The following TACR1 variants were observed in gnomAD, a reference collection of about 807,000 sequenced individuals.
TACR1 encodes substance-P receptor.
In TACR1, 25 loss-of-function variants were observed where a neutral mutation model predicts 35.8. The ratio of observed to expected loss-of-function variants is 0.70; its 90% CI spans 0.51 to 0.98. The LOEUF (loss-of-function observed/expected upper bound fraction) is 0.98. Among genes scored for constraint, TACR1 ranks in the 50% least tolerant of loss-of-function variants. TACR1 has a pLI of 0.00. For synonymous variants in TACR1, 195 were observed against 206.7 expected (o/e 0.94, Z 0.48); for missense variants, 478 against 522.9 (o/e 0.91, Z 0.84).
chr2:75,177,231 T>G (rs905321049), intron 1 of TACR1, among the ~76,000 whole-genome samples: 3 of 152,176 alleles, frequency 2.0e-5, no homozygotes, highest in African/African-American at 7.2e-5. Context: ...TTGACTCATT[T>G]ATTGCTCATT....
chr2:75,196,440 A>C (rs1675976539), intron 1 of TACR1, among the ~76,000 whole-genome samples: 1 of 152,174 alleles, frequency 6.6e-6, no homozygotes, highest in South Asian at 2.1e-4. Flanking sequence ...TAGGAATGCC[A>C]TTGGTAACCT....
At chr2:75,090,014 G>A (rs185731548) in intron 2 of TACR1, among the ~76,000 whole-genome samples, 48 of 152,060 alleles carry the variant, frequency 3.2e-4, no homozygotes, top group Admixed American at 9.2e-4. Flanking sequence ...TCATTGTTTT[G>A]CCAATAAGAA....
chr2:75,196,675 A>C (rs1676002519), intron 1 of TACR1, among the ~76,000 whole-genome samples: 1 of 152,126 alleles, frequency 6.6e-6, no homozygotes, highest in African/African-American at 2.4e-5. Flanking sequence ...TAACCTTCTA[A>C]GTTCCAGAGG....
In TACR1 at chr2:75,051,349, G is replaced by A. The variant is rs1558536362; in HGVS notation, c.834C>T (p.Tyr278=). 2.5e-6 allele frequency: 4 copies of A among 1,614,196 alleles called. No homozygotes were observed. The East Asian group carries it at 8.9e-5, about 36-fold the overall frequency. The part of the protein sequence containing the change: ...FLLPYINPDL[Y]LKKFIQQVYL... ...AGACCTGCTGGATAAACTTCTTCAG[G>A]TAGAGATCTGGGTTGATGTAGGGCA... The change falls in exon 4 of 5, where the codon TAC becomes TAT. Residue 278 remains tyrosine, a synonymous_variant. Coordinates refer to ENST00000305249, the MANE Select transcript of TACR1 (RefSeq NM_001058.4).
chr2:75,064,874 G>A (rs931232983), intron 2 of TACR1, among the ~76,000 whole-genome samples: 9 of 152,192 alleles, frequency 5.9e-5, no homozygotes, highest in African/African-American at 1.9e-4. Context: ...GGCTGGTGGC[G>A]ACCACAAAGC....
chr2:75,137,451 C>T (rs1174576158), intron 1 of TACR1, among the ~76,000 whole-genome samples: 2 of 151,960 alleles, frequency 1.3e-5, no homozygotes, highest in Non-Finnish European at 2.9e-5. Flanking sequence ...GTCGGCAGGG[C>T]ATGGTGCCTC....
intron 1 of TACR1, chr2:75,154,526 A>ACACACACACACACACACACACT (rs1379600710): frequency 8.5e-6 from 1 of 117,140 alleles, no homozygotes; most frequent in African/African-American, 4.5e-5. Context: ...ACACACACAC[A>ACACACACACACACACACACACT]CTCTCTGAAG....
At chr2:75,063,694 GA>G (rs1672710245) in intron 2 of TACR1, among the ~76,000 whole-genome samples, 1 of 152,012 alleles carries the variant, frequency 6.6e-6, no homozygotes, top group African/African-American at 2.4e-5. Flanking sequence ...CAACTTTTAT[GA>G]CTTTGTAACA....
intron 2 of TACR1, among the ~76,000 whole-genome samples, chr2:75,112,716 C>A (rs1392037740): frequency 1.3e-5 from 2 of 151,974 alleles, no homozygotes; most frequent in Non-Finnish European, 2.9e-5. Context: ...TTCTTCAACA[C>A]TACATTTTAA....
intron 2 of TACR1, among the ~76,000 whole-genome samples, chr2:75,119,183 G>T (rs1673918292): frequency 6.6e-6 from 1 of 152,164 alleles, no homozygotes; most frequent in South Asian, 2.1e-4. Flanking sequence ...AAGTTTAAAG[G>T]TCTCATAATT....
intron 1 of TACR1, among the ~76,000 whole-genome samples, chr2:75,142,945 A>G (rs1368643754): frequency 6.6e-6 from 1 of 152,172 alleles, no homozygotes; most frequent in Non-Finnish European, 1.5e-5. Context: ...CAGACACAGT[A>G]TAGAGAACTT....
At chr2:75,157,350 G>T (rs903602395) in intron 1 of TACR1, among the ~76,000 whole-genome samples, 1 of 152,074 alleles carries the variant, frequency 6.6e-6, no homozygotes, top group Non-Finnish European at 1.5e-5. Context: ...AGTGACTTTG[G>T]GTAGGTACTC....
At chr2:75,106,456 T>A (rs1159591678) in intron 2 of TACR1, among the ~76,000 whole-genome samples, 4 of 151,972 alleles carry the variant, frequency 2.6e-5, no homozygotes, top group Non-Finnish European at 4.4e-5. Flanking sequence ...TATAAGTAAT[T>A]TTAACCTCAT....
In TACR1 at chr2:75,048,475, G is replaced by C. The variant is rs1672400777; in HGVS notation, c.*957C>G. The C allele has an allele frequency of 6.6e-6, 1 of 152,230 alleles. No homozygotes were observed. The highest frequency in any genetic ancestry group is 2.4e-5 in the African/African-American group (1 of 41,456). 9.4% of individuals were successfully genotyped at this position (152,230 alleles called of 1,614,324 possible). Reference sequence around the variant, plus strand: ...TTAAGATAAATCGGAGAATGTCTGAGATGGATAGTTACAGATGGCCTTAGC... The same window carrying C: ...TTAAGATAAATCGGAGAATGTCTGACATGGATAGTTACAGATGGCCTTAGC... On this transcript the variant is annotated 3_prime_UTR_variant, in exon 5 of 5. Coordinates refer to ENST00000305249, the MANE Select transcript of TACR1 (RefSeq NM_001058.4).
chr2:75,095,909 A>G (rs1673413087), intron 2 of TACR1, among the ~76,000 whole-genome samples: 2 of 152,148 alleles, frequency 1.3e-5, no homozygotes, highest in African/African-American at 4.8e-5. Context: ...AAGGAGAAAG[A>G]TTCTCCTGGC....
chr2:75,070,014 T>C (rs1184529311), intron 2 of TACR1, among the ~76,000 whole-genome samples: 2 of 152,196 alleles, frequency 1.3e-5, no homozygotes, highest in African/African-American at 4.8e-5. Flanking sequence ...CTGTATGAAA[T>C]TTTTGGAATT....
intron 2 of TACR1, among the ~76,000 whole-genome samples, chr2:75,094,859 A>ATATATATATATATATATTTTTTTT: frequency 1.8e-4 from 20 of 113,080 alleles, no homozygotes; most frequent in African/African-American, 9.1e-4. Flanking sequence ...ATATATATAT[A>ATATATATATATATATATTTTTTTT]TTTTTTTTTT....
In TACR1 at chr2:75,180,359, G is replaced by A. The variant is rs148707450; in HGVS notation, c.389+18187C>T. On this transcript the variant is annotated intron_variant, in intron 1 of 4. Coordinates refer to ENST00000305249, the MANE Select transcript of TACR1 (RefSeq NM_001058.4). ...GATGTGTGTATTAATTACATTAATG[G>A]TCCCAACTATTTATCCCTCTCTGTA... 2.6e-4 allele frequency among the ~76,000 whole-genome samples: 40 copies of A among 152,218 alleles called. No homozygotes were observed. The East Asian group carries it at 7.5e-3, about 29-fold the overall frequency.
At chr2:75,088,616 C>T (rs1673234338) in intron 2 of TACR1, among the ~76,000 whole-genome samples, 1 of 152,096 alleles carries the variant, frequency 6.6e-6, no homozygotes, top group Admixed American at 6.5e-5. Context: ...CTGGAGGCTT[C>T]CTGCAGGTGC....
Sources: gnomAD v4.1 joint callset for allele counts (sites outside exome capture counted in the v4.1 genomes callset) on GRCh38, gnomAD v4.1.1 for gene constraint, MANE v1.5 for transcripts, NCBI Gene and HGNC (gene_info 2026-07-23, HGNC 2026-07-21) for gene names.